The following MRC1 variants were observed in gnomAD, a reference collection of about 807,000 sequenced individuals.
The protein encoded by MRC1 is macrophage mannose receptor 1.
In MRC1, 62 loss-of-function variants were observed where a neutral mutation model predicts 102.9. The ratio of observed to expected loss-of-function variants is 0.60; its 90% confidence interval spans 0.49 to 0.74. MRC1 has a LOEUF of 0.74. Among genes scored for constraint, MRC1 ranks in the 30% least tolerant of loss-of-function variants. MRC1 has a pLI of 0.00. For missense variants in MRC1, 1,237 were observed against 862.8 expected (o/e 1.43, Z -5.43); for synonymous variants, 457 against 298.4 (o/e 1.53, Z -5.48).
At chr10:17,844,151 C>A (rs1461320693) in intron 5 of MRC1, among the ~76,000 whole-genome samples, 1 of 152,180 alleles carries the variant, frequency 6.6e-6, no homozygotes, top group African/African-American at 2.4e-5. Flanking sequence ...GATATTGAGA[C>A]AGTTTTAGTT....
At chr10:17,891,553 C>A (rs1237940481) in intron 22 of MRC1, among the ~76,000 whole-genome samples, 1 of 152,156 alleles carries the variant, frequency 6.6e-6, no homozygotes, top group Non-Finnish European at 1.5e-5. Flanking sequence ...CTCGAAACCA[C>A]CCTCCACCCC....
chr10:17,811,603 C>G (rs1460790263), intron 1 of MRC1, among the ~76,000 whole-genome samples: 2 of 152,084 alleles, frequency 1.3e-5, no homozygotes, highest in Non-Finnish European at 2.9e-5. Context: ...CTCTGTCACC[C>G]AGGCTGGAGT....
At chr10:17,822,427 C>A (rs1215832286) in intron 1 of MRC1, among the ~76,000 whole-genome samples, 1 of 152,230 alleles carries the variant, frequency 6.6e-6, no homozygotes, top group East Asian at 1.9e-4. Flanking sequence ...AGTTCAAGAC[C>A]AGCTTGGGCA....
chr10:17,867,419 C>G (rs1295999443), intron 12 of MRC1, among the ~76,000 whole-genome samples: 2 of 147,022 alleles, frequency 1.4e-5, no homozygotes, highest in African/African-American at 5.1e-5. Flanking sequence ...TCTTTTCTCT[C>G]TCTCTCCTTC....
At chr10:17,879,398 A>G (rs911386633) in intron 18 of MRC1, among the ~76,000 whole-genome samples, 7 of 152,316 alleles carry the variant, frequency 4.6e-5, no homozygotes, top group African/African-American at 1.7e-4. Context: ...CTTGTAGCCC[A>G]GGCTGGAGTG....
At chr10:17,863,770 A>C in intron 11 of MRC1, 88 bp downstream of exon 11, 1 of 711,260 alleles carries the variant, frequency 1.4e-6, no homozygotes, top group Non-Finnish European at 2.6e-6. Flanking sequence ...CTCTGCAAAT[A>C]GACTAGGTAA....
intron 1 of MRC1, among the ~76,000 whole-genome samples, chr10:17,817,925 G>A (rs933466055): frequency 8.5e-5 from 13 of 152,122 alleles, no homozygotes; most frequent in African/African-American, 3.1e-4. Context: ...TGATGATAAA[G>A]GCAAAATGAC....
rs549886331 is a variant in MRC1, at chr10:17,866,457, T to C, written c.1784-105T>C. Reference sequence around the variant, plus strand: ...AACCCCCCTGCATCTGAGATCATAATTGGGCATCAGAACCCTGATGCTCGG... The same window carrying C: ...AACCCCCCTGCATCTGAGATCATAACTGGGCATCAGAACCCTGATGCTCGG... On this transcript the variant is annotated intron_variant, in intron 11 of 29. Transcript: ENST00000569591. 7.3e-5 allele frequency: 57 copies of C among 777,692 alleles called. No individual in the cohort carries two copies. In the African/African-American group the frequency reaches 8.6e-4, roughly 12 times the overall value. The allele number at this position is 777,692 out of a possible 1,614,324, so 48.2% of individuals were successfully genotyped here.
At chr10:17,854,350 C>T (rs1271707934) in intron 8 of MRC1, among the ~76,000 whole-genome samples, 2 of 152,200 alleles carry the variant, frequency 1.3e-5, no homozygotes, top group Admixed American at 6.5e-5. Flanking sequence ...ATTTTTGTCA[C>T]TGTGGCTGTT....
At chr10:17,821,058 A>C (rs1294163104) in intron 1 of MRC1, among the ~76,000 whole-genome samples, 1 of 152,162 alleles carries the variant, frequency 6.6e-6, no homozygotes, top group Non-Finnish European at 1.5e-5. Flanking sequence ...ATGTTCTGTG[A>C]ACAGTTGTCA....
At chr10:17,905,190 C>T (rs2130723060) in intron 26 of MRC1, among the ~76,000 whole-genome samples, 1 of 152,258 alleles carries the variant, frequency 6.6e-6, no homozygotes, top group Non-Finnish European at 1.5e-5. Flanking sequence ...CTGGTTTTCA[C>T]TGTGGTTGTG....
chr10:17,818,882 C>A (rs1042879266), intron 1 of MRC1, among the ~76,000 whole-genome samples: 3 of 152,156 alleles, frequency 2.0e-5, no homozygotes, highest in Non-Finnish European at 2.9e-5. Flanking sequence ...AACATGAAGT[C>A]ACTAATGTGG....
At chr10:17,906,035 G>T (rs1353489284) in intron 26 of MRC1, among the ~76,000 whole-genome samples, 2 of 152,152 alleles carry the variant, frequency 1.3e-5, no homozygotes, top group Admixed American at 6.5e-5. Context: ...AATGTGGGTT[G>T]TCACTTCCAT....
At chr10:17,867,973 A>G (rs1833300746) in intron 12 of MRC1, among the ~76,000 whole-genome samples, 1 of 152,200 alleles carries the variant, frequency 6.6e-6, no homozygotes, top group African/African-American at 2.4e-5. Context: ...TGACAATTCA[A>G]TATTCTACCA....
At chr10:17,865,171 G>A (rs548129723) in intron 11 of MRC1, among the ~76,000 whole-genome samples, 22,514 of 152,122 alleles carry the variant, frequency 0.15, 1,819 homozygotes, top group African/African-American at 0.18. Context: ...ATAATAGCTC[G>A]AGTCTATCAA....
intron 22 of MRC1, among the ~76,000 whole-genome samples, chr10:17,886,416 A>G (rs1394946038): frequency 2.7e-5 from 4 of 145,674 alleles, no homozygotes; most frequent in African/African-American, 1.0e-4. Flanking sequence ...CACTCTGTCA[A>G]TCTCTCAACC....
At chr10:17,815,945 GC>G (rs1838304608) in intron 1 of MRC1, among the ~76,000 whole-genome samples, 1 of 152,046 alleles carries the variant, frequency 6.6e-6, no homozygotes, top group Admixed American at 6.6e-5. Context: ...TCCTGCCTCA[GC>G]CCCCCATAGC....
At chr10:17,901,849 A>T in intron 25 of MRC1, 124 bp from the exon 26 acceptor site, 1 of 757,204 alleles carries the variant, frequency 1.3e-6, no homozygotes, top group Non-Finnish European at 2.4e-6. Flanking sequence ...GATCCAAATG[A>T]TAACCATTGG....
chr10:17,816,362 G>A (rs2130577470), intron 1 of MRC1, among the ~76,000 whole-genome samples: 1 of 152,304 alleles, frequency 6.6e-6, no homozygotes, highest in South Asian at 2.1e-4. Context: ...GGGTAACGGG[G>A]AAGTGAGACA....
Sources: gnomAD v4.1 joint callset for allele counts (sites outside exome capture counted in the v4.1 genomes callset) on GRCh38, gnomAD v4.1.1 for gene constraint, MANE v1.5 for transcripts, NCBI Gene and HGNC (gene_info 2026-07-23, HGNC 2026-07-21) for gene names.